Variants in AMPH observed in about 807,000 individuals in gnomAD.
The protein encoded by AMPH is amphiphysin, also known as amphiphysin (Stiff-Mann syndrome with breast cancer 128kD autoantigen).
In AMPH, 49 loss-of-function variants were observed where a neutral mutation model predicts 99.1. That is an observed-to-expected ratio of 0.49 (90% CI 0.39 to 0.63). The LOEUF is 0.63. AMPH is among the 20% of genes least tolerant of loss of function. The pLI is 0.00. For synonymous variants in AMPH, 314 were observed against 317.3 expected, an observed-to-expected ratio of 0.99 and a Z score of 0.11; for missense variants, 759 against 863.4, an observed-to-expected ratio of 0.88 and a Z score of 1.52.
intron 1 of AMPH, among the ~76,000 whole-genome samples, chr7:38,613,000 C>T (rs1389272443): frequency 6.6e-6 from 1 of 152,118 alleles, no homozygotes; most frequent in Non-Finnish European, 1.5e-5. Context: ...GGAAATACTA[C>T]ATACCGTGCC....
Position 38,577,059 on chromosome 7 carries a change from T to C in AMPH, c.70-42048A>G, listed in dbSNP as rs1285763373. On this transcript the variant is annotated intron_variant, in intron 1 of 20. Transcript: ENST00000356264. ...TCAACCACCTTATTCTTTTCTAGTC[T>C]ACATACAAGTCAACTGTACCAGTGT... 2.6e-5 allele frequency among the ~76,000 whole-genome samples: 4 copies of C among 152,350 alleles called. No homozygotes were observed. The East Asian group carries it at 5.8e-4, about 22-fold the overall frequency.
chr7:38,432,087 TG>T (rs768979494), intron 13 of AMPH, 101 bp downstream of exon 13: 3 of 1,015,632 alleles, frequency 3.0e-6, no homozygotes, highest in Non-Finnish European at 4.7e-6. Context: ...CATCATTAAA[TG>T]TATGTGTCTT....
intron 1 of AMPH, among the ~76,000 whole-genome samples, chr7:38,588,228 C>T (rs1792736353): frequency 6.6e-6 from 1 of 152,100 alleles, no homozygotes; most frequent in South Asian, 2.1e-4. Context: ...GCTAGGATTA[C>T]AGGCGTGAGC....
At chr7:38,454,064 G>A (rs749165447) in intron 11 of AMPH, among the ~76,000 whole-genome samples, 2 of 152,162 alleles carry the variant, frequency 1.3e-5, no homozygotes, top group Non-Finnish European at 1.5e-5. Flanking sequence ...GCCATGCACC[G>A]ATAAACACCA....
intron 1 of AMPH, among the ~76,000 whole-genome samples, chr7:38,577,012 G>C (rs1792270387): frequency 6.6e-6 from 1 of 152,132 alleles, no homozygotes; most frequent in South Asian, 2.1e-4. Flanking sequence ...ATTTCTTAAA[G>C]AGGATTTATA....
At chr7:38,541,206 C>T (rs940470929) in intron 1 of AMPH, among the ~76,000 whole-genome samples, 1 of 151,974 alleles carries the variant, frequency 6.6e-6, no homozygotes, top group East Asian at 1.9e-4. Flanking sequence ...CCCACCTATC[C>T]ATCAAGAGTT....
At chr7:38,450,261 T>C (rs1274223204) in intron 11 of AMPH, among the ~76,000 whole-genome samples, 2 of 152,154 alleles carry the variant, frequency 1.3e-5, no homozygotes, top group African/African-American at 4.8e-5. Flanking sequence ...TGGAGAAAGA[T>C]TTAGGAAAAA....
intron 1 of AMPH, among the ~76,000 whole-genome samples, chr7:38,604,147 T>A (rs1332887580): frequency 1.3e-5 from 2 of 152,236 alleles, no homozygotes; most frequent in East Asian, 3.9e-4. Context: ...GAAAACCACA[T>A]CTGGGGAAGA....
intron 7 of AMPH, among the ~76,000 whole-genome samples, chr7:38,471,029 CA>C (rs1787862444): frequency 6.6e-6 from 1 of 152,128 alleles, no homozygotes; most frequent in Admixed American, 6.5e-5. Context: ...TCCAAGCAAA[CA>C]AAAACTTTCA....
intron 17 of AMPH, among the ~76,000 whole-genome samples, chr7:38,406,725 C>CTCTCTCT (rs1293617761): frequency 1.2e-4 from 7 of 58,894 alleles, no homozygotes; most frequent in Admixed American, 1.7e-4. Flanking sequence ...TCTCTCTCTC[C>CTCTCTCT]CTTTCCCTCT....
chr7:38,440,400 C>T (rs1450016726), intron 11 of AMPH, among the ~76,000 whole-genome samples: 1 of 152,114 alleles, frequency 6.6e-6, no homozygotes, highest in African/African-American at 2.4e-5. Context: ...CTCATATACA[C>T]ACTACAACTA....
At chr7:38,569,132 C>T (rs968440969) in intron 1 of AMPH, among the ~76,000 whole-genome samples, 39 of 152,034 alleles carry the variant, frequency 2.6e-4, no homozygotes, top group African/African-American at 8.5e-4. Flanking sequence ...CAACCCTCAT[C>T]TATTTTTGCT....
At chr7:38,484,520 G>A (rs1366405284) in intron 5 of AMPH, among the ~76,000 whole-genome samples, 2 of 152,006 alleles carry the variant, frequency 1.3e-5, no homozygotes, top group Non-Finnish European at 2.9e-5. Flanking sequence ...TTAAAGAAGA[G>A]ATAAAGACAT....
intron 11 of AMPH, among the ~76,000 whole-genome samples, chr7:38,439,349 T>G (rs77351926): frequency 6.6e-6 from 1 of 152,222 alleles, no homozygotes; most frequent in Non-Finnish European, 1.5e-5. Context: ...CTTCAAAATA[T>G]GTGGCTGGTT....
intron 1 of AMPH, among the ~76,000 whole-genome samples, chr7:38,558,750 T>C (rs1488327466): frequency 6.6e-6 from 1 of 152,214 alleles, no homozygotes; most frequent in African/African-American, 2.4e-5. Context: ...TCAGCATTTG[T>C]CCTGAGACAC....
At chr7:38,621,306 G>A (rs1794051078) in intron 1 of AMPH, among the ~76,000 whole-genome samples, 1 of 152,134 alleles carries the variant, frequency 6.6e-6, no homozygotes, top group Admixed American at 6.5e-5. Context: ...TATGTACTTA[G>A]TAGTGTGTGC....
chr7:38,406,777 G>C (rs79913976), intron 17 of AMPH, among the ~76,000 whole-genome samples: 940 of 65,240 alleles, frequency 0.014, 19 homozygotes, highest in African/African-American at 0.063. Context: ...TCTCTCTCTC[G>C]TGCTGGATGC....
At chr7:38,407,705 T>C (rs1445971956) in intron 17 of AMPH, among the ~76,000 whole-genome samples, 1 of 152,198 alleles carries the variant, frequency 6.6e-6, no homozygotes, top group Non-Finnish European at 1.5e-5. Context: ...AAGACATATA[T>C]ATTTTAAATT....
At chr7:38,625,064 C>T (rs1794197544) in intron 1 of AMPH, among the ~76,000 whole-genome samples, 1 of 152,178 alleles carries the variant, frequency 6.6e-6, no homozygotes, top group African/African-American at 2.4e-5. Flanking sequence ...ACACACCACA[C>T]ACCATAGAAG....
Sources: gnomAD v4.1 joint callset for allele counts (sites outside exome capture counted in the v4.1 genomes callset) on GRCh38, gnomAD v4.1.1 for gene constraint, MANE v1.5 for transcripts, NCBI Gene and HGNC (gene_info 2026-07-23, HGNC 2026-07-21) for gene names.